The following SRPK2 variants were observed in gnomAD, a reference collection of about 807,000 sequenced individuals.
SRPK2 encodes SRSF protein kinase 2, also known as SFRS protein kinase 2.
Under a neutral mutation model 90.8 loss-of-function variants are expected in SRPK2, and 21 were observed. The ratio of observed to expected loss-of-function variants is 0.23; its 90% CI spans 0.16 to 0.33. The LOEUF is 0.33. Among genes scored for constraint, SRPK2 ranks in the 10% least tolerant of loss-of-function variants. The pLI is 1.00. For synonymous variants in SRPK2, 288 were observed against 311.1 expected, an observed-to-expected ratio of 0.93 and a Z score of 0.78; for missense variants, 620 against 869.0, an observed-to-expected ratio of 0.71 and a Z score of 3.60.
chr7:105,141,893 G>T, intron 11 of SRPK2, 115 bp downstream of exon 11: 1 of 1,155,082 alleles, frequency 8.7e-7, no homozygotes. Context: ...TAATAAAACT[G>T]ATCAGTACAC....
chr7:105,126,010 C>T (rs571894923), intron 15 of SRPK2: 13 of 647,638 alleles, frequency 2.0e-5, no homozygotes, highest in African/African-American at 1.6e-4. Context: ...GCCTTCCTCG[C>T]GTTGCTGGAT....
intron 11 of SRPK2, among the ~76,000 whole-genome samples, chr7:105,137,005 T>A (rs553701830): frequency 6.8e-4 from 103 of 152,102 alleles, no homozygotes; most frequent in Non-Finnish European, 1.4e-3. Context: ...CTAAACAGGC[T>A]ATGAAGAAAA....
chr7:105,359,802 G>C (rs1053594742), intron 2 of SRPK2, among the ~76,000 whole-genome samples: 1 of 152,056 alleles, frequency 6.6e-6, no homozygotes, highest in Non-Finnish European at 1.5e-5. Flanking sequence ...TATAAATCTT[G>C]TGATCAATTT....
At chr7:105,354,832 T>G (rs2132125638) in intron 2 of SRPK2, among the ~76,000 whole-genome samples, 1 of 152,234 alleles carries the variant, frequency 6.6e-6, no homozygotes, top group African/African-American at 2.4e-5. Flanking sequence ...ATTACCAAAA[T>G]CAATTTTACA....
Position 105,141,250 on chromosome 7 carries a change from T to C in SRPK2, c.1543+758A>G, listed in dbSNP as rs898701534. Among the ~76,000 whole-genome samples the C allele has an allele frequency of 3.4e-4, 51 of 152,208 alleles. 2 individuals carry two copies. Among genetic ancestry groups the C allele is most frequent in the Non-Finnish European group, 7.3e-5 (5 of 68,034 alleles). On this transcript the variant is annotated intron_variant, in intron 11 of 15. Transcript: ENST00000393651. ...AAGGGGCTGCAGAATGTCGGGCTGTTTGCAGGGCTGGCTCATCAATTTTAC... is the reference window on the plus strand; with the variant it reads ...AAGGGGCTGCAGAATGTCGGGCTGTCTGCAGGGCTGGCTCATCAATTTTAC...
intron 2 of SRPK2, among the ~76,000 whole-genome samples, chr7:105,366,747 G>C (rs1012418377): frequency 4.6e-5 from 7 of 152,218 alleles, no homozygotes; most frequent in African/African-American, 1.7e-4. Flanking sequence ...TATTTCACAA[G>C]AAGTGTGAGA....
chr7:105,138,780 T>C (rs1005719867), intron 11 of SRPK2, among the ~76,000 whole-genome samples: 11 of 152,150 alleles, frequency 7.2e-5, no homozygotes, highest in African/African-American at 2.2e-4. Flanking sequence ...GCCTGGGCGA[T>C]AGAGCAAGAT....
intron 2 of SRPK2, among the ~76,000 whole-genome samples, chr7:105,310,039 G>T (rs1027573688): frequency 1.3e-5 from 2 of 152,162 alleles, no homozygotes; most frequent in Non-Finnish European, 2.9e-5. Context: ...CCTCCCTCTG[G>T]GGGTGAGATC....
intron 2 of SRPK2, among the ~76,000 whole-genome samples, chr7:105,333,389 C>A (rs1814678508): frequency 6.6e-6 from 1 of 152,126 alleles, no homozygotes; most frequent in Admixed American, 6.6e-5. Context: ...CAAAGACCTT[C>A]AAAAATTTCT....
At chr7:105,155,464 C>T (rs1806355703) in intron 7 of SRPK2, among the ~76,000 whole-genome samples, 1 of 152,180 alleles carries the variant, frequency 6.6e-6, no homozygotes, top group Non-Finnish European at 1.5e-5. Flanking sequence ...TTTCTCTTAT[C>T]CCAGTGGTTC....
intron 5 of SRPK2, 70 bp downstream of exon 5, chr7:105,167,938 A>AC: frequency 9.5e-7 from 1 of 1,050,322 alleles, no homozygotes; most frequent in Non-Finnish European, 1.4e-6. Flanking sequence ...AGTATTACCC[A>AC]GAAAAATCTT....
upstream of SRPK2, among the ~76,000 whole-genome samples, chr7:105,391,470 G>A (rs1446268743): frequency 6.6e-6 from 1 of 152,138 alleles, no homozygotes; most frequent in African/African-American, 2.4e-5. Context: ...TTCCCAAAGT[G>A]CTGGGATTAC....
chr7:105,213,077 A>T (rs1417976609), intron 2 of SRPK2, among the ~76,000 whole-genome samples: 1 of 152,176 alleles, frequency 6.6e-6, no homozygotes, highest in East Asian at 1.9e-4. Context: ...GGATTTTGGT[A>T]TCCGAATGGG....
intron 13 of SRPK2, among the ~76,000 whole-genome samples, chr7:105,129,986 A>G (rs1801768120): frequency 1.3e-5 from 2 of 152,238 alleles, no homozygotes; most frequent in African/African-American, 4.8e-5. Context: ...CAGAGACTCT[A>G]ATACATAAAT....
chr7:105,190,612 G>A (rs1363336149), intron 3 of SRPK2, among the ~76,000 whole-genome samples: 1 of 152,080 alleles, frequency 6.6e-6, no homozygotes, highest in Non-Finnish European at 1.5e-5. Context: ...ATGAATCACA[G>A]AGTTTGGGGG....
intron 2 of SRPK2, among the ~76,000 whole-genome samples, chr7:105,225,240 T>C (rs974272645): frequency 6.6e-6 from 1 of 152,214 alleles, no homozygotes; most frequent in Non-Finnish European, 1.5e-5. Context: ...CAATAAAATC[T>C]GACTTGCTTT....
intron 2 of SRPK2, chr7:105,268,984 G>A (rs1191448980): frequency 3.3e-5 from 46 of 1,399,582 alleles, no homozygotes; most frequent in Middle Eastern, 1.9e-4. Flanking sequence ...CACAAGATTC[G>A]CAGTACTTCT....
intron 2 of SRPK2, among the ~76,000 whole-genome samples, chr7:105,365,523 T>C (rs193293408): frequency 7.6e-5 from 11 of 143,958 alleles, no homozygotes; most frequent in African/African-American, 2.8e-4. Context: ...TATATATATA[T>C]ATATTTAGGC....
intron 2 of SRPK2, among the ~76,000 whole-genome samples, chr7:105,231,051 T>C (rs1044460690): frequency 6.6e-6 from 1 of 152,198 alleles, no homozygotes; most frequent in African/African-American, 2.4e-5. Flanking sequence ...CTAGTACCAA[T>C]AGTTAATTCG....
Sources: allele counts gnomAD v4.1 joint callset (sites outside exome capture counted in the v4.1 genomes callset), GRCh38; gene constraint gnomAD v4.1.1; transcripts MANE v1.5; gene names NCBI Gene and HGNC (gene_info 2026-07-23, HGNC 2026-07-21).